PAPOLG: variants seen among roughly 807,000 people sequenced by gnomAD.
The protein encoded by PAPOLG is poly(A) polymerase gamma.
Under a neutral mutation model 99.0 loss-of-function variants are expected in PAPOLG, and 40 were observed. That is an observed-to-expected ratio of 0.40 (90% CI 0.31 to 0.53). PAPOLG has a LOEUF of 0.53. PAPOLG is among the 20% of genes least tolerant of loss of function. PAPOLG has a pLI of 0.41. For missense variants in PAPOLG, 675 were observed against 884.1 expected, an observed-to-expected ratio of 0.76 and a Z score of 3.00; for synonymous variants, 310 against 299.3, an observed-to-expected ratio of 1.04 and a Z score of -0.37.
At chr2:60,779,957 G>A (rs776740080) in intron 9 of PAPOLG, among the ~76,000 whole-genome samples, 182 bp downstream of exon 9, 6 of 152,190 alleles carry the variant, frequency 3.9e-5, no homozygotes, top group Non-Finnish European at 8.8e-5. Context: ...TTCTTCCAGG[G>A]ATTTGTAAAT....
intron 21 of PAPOLG, 137 bp from the exon 22 acceptor site, chr2:60,796,925 C>A (rs1671725508): frequency 9.6e-7 from 1 of 1,040,772 alleles, no homozygotes; most frequent in South Asian, 1.7e-5. Context: ...AGGAAATATT[C>A]ATTGCATACT....
chr2:60,780,991 C>T (rs1671171373), intron 10 of PAPOLG, among the ~76,000 whole-genome samples: 1 of 151,618 alleles, frequency 6.6e-6, no homozygotes, highest in African/African-American at 2.4e-5. Context: ...CATTAAAAAT[C>T]GCCCATGTAA....
chr2:60,775,081 A>C lies in PAPOLG; in HGVS notation c.652A>C (p.Thr218Pro). ...EILHLVPNKETFRLTLRAVKL... is the reference protein window; with the variant it reads ...EILHLVPNKEPFRLTLRAVKL... ...TTTGCATTTAGTGCCAAATAAAGAA[A>C]CTTTTAGACTCACCCTAAGAGCTGT... The change falls in exon 8 of 22, where the codon ACT becomes CCT. Residue 218 changes from threonine to proline, a missense_variant. Coordinates refer to ENST00000238714, the MANE Select transcript of PAPOLG (RefSeq NM_022894.4). The C allele has an allele frequency of 6.2e-7, 1 of 1,613,546 alleles. No individual in the cohort carries two copies. Among genetic ancestry groups the C allele is most frequent in the Non-Finnish European group, 8.5e-7 (1 of 1,179,812 alleles).
At chr2:60,774,243 C>T (rs1244718241) in intron 7 of PAPOLG, among the ~76,000 whole-genome samples, 1 of 151,760 alleles carries the variant, frequency 6.6e-6, no homozygotes, top group Non-Finnish European at 1.5e-5. Flanking sequence ...CAGTTTTATC[C>T]ACTGTTTCTT....
At position 60,798,135 on chromosome 2, in the gene PAPOLG, T is replaced by A. The variant is rs1671767101; in HGVS notation, c.*975T>A. On this transcript the variant is annotated 3_prime_UTR_variant, in exon 22 of 22. Coordinates refer to ENST00000238714, the MANE Select transcript of PAPOLG (RefSeq NM_022894.4). ...ATTTACCCCACAACTTCAAATAGTT[T>A]CTTCACGGACTAGGCATGCAGAAAT... is the stretch of plus-strand genomic sequence containing the variant. 6.5e-6 allele frequency: 1 copy of A among 152,786 alleles called. No homozygotes were observed. Among genetic ancestry groups the A allele is most frequent in the African/African-American group, 2.4e-5 (1 of 41,458 alleles). 9.5% of individuals were successfully genotyped at this position (152,786 alleles called of 1,614,324 possible). A position where few individuals can be genotyped will look rare whatever the true frequency, so the allele number is the denominator to read the frequency against.
chr2:60,781,337 A>T (rs1671183773), intron 10 of PAPOLG, among the ~76,000 whole-genome samples: 1 of 151,420 alleles, frequency 6.6e-6, no homozygotes, highest in Non-Finnish European at 1.5e-5. Flanking sequence ...AGCCTGGGTG[A>T]CGAGTTGAGA....
At chr2:60,783,110 C>G in intron 12 of PAPOLG, 46 bp from the exon 13 acceptor site, 1 of 1,504,384 alleles carries the variant, frequency 6.6e-7, no homozygotes, top group Non-Finnish European at 8.9e-7. Flanking sequence ...CAGGCTGTAA[C>G]AATTTTTCTG....
At chr2:60,778,789 C>T (rs1671100744) in intron 8 of PAPOLG, among the ~76,000 whole-genome samples, 1 of 152,154 alleles carries the variant, frequency 6.6e-6, no homozygotes, top group African/African-American at 2.4e-5. Context: ...ATAACATGAA[C>T]AATTTGCCCT....
intron 12 of PAPOLG, 25 bp from the exon 13 acceptor site, chr2:60,783,131 C>T (rs772254785): frequency 3.9e-6 from 6 of 1,539,414 alleles, no homozygotes; most frequent in South Asian, 1.3e-5. Context: ...GCTTTTTTTC[C>T]TGATTGTTGC....
At chr2:60,768,415 C>G in intron 3 of PAPOLG, 55 bp from the exon 4 acceptor site, 1 of 1,585,214 alleles carries the variant, frequency 6.3e-7, no homozygotes, top group Non-Finnish European at 8.6e-7. Context: ...ATTGAGGTGA[C>G]TTTTATGCTA....
chr2:60,793,918 A>G (rs74694741), intron 18 of PAPOLG, 53 bp from the exon 19 acceptor site: 16 of 1,526,352 alleles, frequency 1.0e-5, no homozygotes, highest in Middle Eastern at 1.8e-4. Flanking sequence ...TGTCTCAAGG[A>G]AAAAAAAATT....
intron 3 of PAPOLG, 50 bp from the exon 4 acceptor site, chr2:60,768,420 A>G: frequency 6.3e-7 from 1 of 1,591,882 alleles, no homozygotes; most frequent in Non-Finnish European, 8.6e-7. Context: ...GGTGACTTTT[A>G]TGCTAAATAA....
rs770647780 is a variant in PAPOLG at position 60,779,695 on chromosome 2, A to G, written c.753A>G (p.Leu251=). The G allele has an allele frequency of 1.2e-6, 2 of 1,613,916 alleles. No individual in the cohort carries two copies. Among genetic ancestry groups the G allele is most frequent in the South Asian group, 1.1e-5 (1 of 91,074 alleles). The change falls in exon 9 of 22, where the codon CTA becomes CTG. Residue 251 remains leucine (L), a synonymous_variant. Coordinates refer to ENST00000238714, the MANE Select transcript of PAPOLG (RefSeq NM_022894.4). ...TTGGTGGTGTCTCCTGGGCAATGCT[A>G]GTTGCAAGAACTTGCCAATTGTATC... is the stretch of plus-strand genomic sequence containing the variant. ...GFLGGVSWAM[L]VARTCQLYPN...
intron 18 of PAPOLG, 54 bp from the exon 19 acceptor site, chr2:60,793,917 G>GA (rs1056684247): frequency 3.1e-4 from 473 of 1,538,832 alleles, no homozygotes; most frequent in Non-Finnish European, 3.5e-4. Context: ...CTGTCTCAAG[G>GA]AAAAAAAAAT....
chr2:60,772,445 TCA>T (rs1670882248), intron 7 of PAPOLG, among the ~76,000 whole-genome samples: 1 of 108,688 alleles, frequency 9.2e-6, no homozygotes, highest in African/African-American at 3.4e-5. Context: ...AGACCCTGTC[TCA>T]AAAAAAAAAA....
intron 1 of PAPOLG, among the ~76,000 whole-genome samples, chr2:60,757,955 G>A (rs1351266260): frequency 6.6e-6 from 1 of 152,210 alleles, no homozygotes; most frequent in African/African-American, 2.4e-5. Context: ...TCATCATGGT[G>A]TCAGAGCTGA....
At position 60,800,109 on chromosome 2, in the gene PAPOLG, G is replaced by C. The variant is rs1487775705; in HGVS notation, c.*2949G>C. On this transcript the variant is annotated 3_prime_UTR_variant, in exon 22 of 22. Transcript: ENST00000238714. ...AATTACCTGCTAGCTTAAACCTTAG[G>C]GACTTAACCAATTCAAGATAGAGGT... is the stretch of plus-strand genomic sequence containing the variant. The C allele has an allele frequency of 1.3e-5, 2 of 152,204 alleles. No homozygotes were observed. Among genetic ancestry groups the C allele is most frequent in the African/African-American group, 4.8e-5 (2 of 41,392 alleles). 9.4% of individuals were successfully genotyped at this position (152,204 alleles called of 1,614,324 possible). A position where few individuals can be genotyped will look rare whatever the true frequency, so the allele number is the denominator to read the frequency against.
intron 10 of PAPOLG, among the ~76,000 whole-genome samples, chr2:60,781,618 T>C (rs1671192233): frequency 3.3e-5 from 5 of 152,182 alleles, no homozygotes; most frequent in Admixed American, 3.3e-4. Context: ...ATTTCCTTGA[T>C]TATAAGAGAT....
intron 15 of PAPOLG, among the ~76,000 whole-genome samples, chr2:60,790,128 T>G (rs1671485754): frequency 6.6e-6 from 1 of 152,146 alleles, no homozygotes; most frequent in African/African-American, 2.4e-5. Context: ...TTCTTATGTT[T>G]CACCTTAGAA....
Sources: gnomAD v4.1 joint callset for allele counts (sites outside exome capture counted in the v4.1 genomes callset) on GRCh38, gnomAD v4.1.1 for gene constraint, MANE v1.5 for transcripts, NCBI Gene and HGNC (gene_info 2026-07-23, HGNC 2026-07-21) for gene names.